Variants in SAMMSON observed in about 807,000 individuals in gnomAD.
SAMMSON encodes survival associated mitochondrial melanoma specific oncogenic non-coding RNA.
intron 6 of SAMMSON, among the ~76,000 whole-genome samples, chr3:70,259,710 A>G (rs2106660280): frequency 6.6e-6 from 1 of 152,288 alleles, no homozygotes; most frequent in Middle Eastern, 3.4e-3. Context: ...AGTGCCACAA[A>G]CTGGGTGGCA....
chr3:70,136,855 T>G (rs1425758914), intron 4 of SAMMSON, among the ~76,000 whole-genome samples: 3 of 152,216 alleles, frequency 2.0e-5, no homozygotes, highest in Non-Finnish European at 4.4e-5. Context: ...TGATCTAAGT[T>G]TTTCTCCTTA....
Position 70,025,630 on chromosome 3 carries a change from A to G in SAMMSON, n.417+11958A>G, listed in dbSNP as rs148645387. Among the ~76,000 whole-genome samples the G allele has an allele frequency of 7.2e-3, 1,094 of 152,314 alleles. 4 individuals are homozygous for G. The highest frequency in any genetic ancestry group is 0.012 in the Non-Finnish European group (812 of 68,032). On this transcript the variant is annotated intron_variant and non_coding_transcript_variant, in intron 3 of 9. Transcript: ENST00000642114. ...CAGAAAATAGCAAACAGAAAGATGAAGACCCTTGAACAACATGGGAGTTTG... is the reference window on the plus strand; with the variant it reads ...CAGAAAATAGCAAACAGAAAGATGAGGACCCTTGAACAACATGGGAGTTTG...
intron 4 of SAMMSON, among the ~76,000 whole-genome samples, chr3:70,090,589 A>G (rs1335375469): frequency 2.0e-5 from 3 of 152,126 alleles, no homozygotes; most frequent in Non-Finnish European, 2.9e-5. Flanking sequence ...TTCAACTTTC[A>G]TATTGTATCT....
chr3:70,111,873 G>C (rs1229141674), intron 4 of SAMMSON, among the ~76,000 whole-genome samples: 1 of 152,082 alleles, frequency 6.6e-6, no homozygotes, highest in Non-Finnish European at 1.5e-5. Context: ...AAGAAAGACA[G>C]ATCTAAACAA....
chr3:70,133,627 G>A (rs1383368965), intron 4 of SAMMSON, among the ~76,000 whole-genome samples: 1 of 152,082 alleles, frequency 6.6e-6, no homozygotes. Flanking sequence ...GGGTAGTCTT[G>A]TGGGAATGAG....
chr3:70,125,489 A>G, intron 4 of SAMMSON: 1 of 744,702 alleles, frequency 1.3e-6, no homozygotes, highest in Non-Finnish European at 2.3e-6. Flanking sequence ...GTCTTTTTTA[A>G]TCTCTTCTGT....
intron 4 of SAMMSON, among the ~76,000 whole-genome samples, chr3:70,115,792 G>GA (rs1216143955): frequency 1.3e-5 from 2 of 151,918 alleles, no homozygotes; most frequent in Non-Finnish European, 1.5e-5. Context: ...AACAACATTT[G>GA]AAAAAACAAA....
At chr3:70,226,367 A>C (rs1701507217) in intron 4 of SAMMSON, among the ~76,000 whole-genome samples, 1 of 152,184 alleles carries the variant, frequency 6.6e-6, no homozygotes, top group Non-Finnish European at 1.5e-5. Flanking sequence ...GTGGATGCAA[A>C]GCCCAGGAAT....
At chr3:70,421,217 G>A (rs1701310751) in intron 2 of SAMMSON, among the ~76,000 whole-genome samples, 1 of 152,070 alleles carries the variant, frequency 6.6e-6, no homozygotes, top group Admixed American at 6.5e-5. Flanking sequence ...TATGCTAGCT[G>A]ACTCTCGGCA....
At chr3:70,245,671 TTA>T (rs34480688) in intron 4 of SAMMSON, among the ~76,000 whole-genome samples, 6,593 of 56,954 alleles carry the variant, frequency 0.12, 141 homozygotes, top group Non-Finnish European at 0.12. Context: ...GCAAACTGCT[TTA>T]TATATATATA....
intron 7 of SAMMSON, among the ~76,000 whole-genome samples, chr3:70,332,462 A>G (rs1341233646): frequency 6.6e-6 from 1 of 152,116 alleles, no homozygotes; most frequent in African/African-American, 2.4e-5. Flanking sequence ...TGGATGTCCA[A>G]GTGTCATCTC....
chr3:70,235,401 T>A (rs925595234), intron 4 of SAMMSON, among the ~76,000 whole-genome samples: 2 of 152,232 alleles, frequency 1.3e-5, no homozygotes, highest in Admixed American at 1.3e-4. Context: ...TCCCTCACAA[T>A]TGGCTTCCGT....
intron 7 of SAMMSON, among the ~76,000 whole-genome samples, chr3:70,351,616 A>G (rs1702795874): frequency 6.6e-6 from 1 of 152,050 alleles, no homozygotes; most frequent in South Asian, 2.1e-4. Flanking sequence ...ATTCCCTGGG[A>G]TTTGTTTTTA....
intron 4 of SAMMSON, among the ~76,000 whole-genome samples, chr3:70,186,577 A>G (rs1186068673): frequency 6.6e-6 from 1 of 152,112 alleles, no homozygotes; most frequent in African/African-American, 2.4e-5. Context: ...ACACTCAACC[A>G]TAGGAATTTT....
intron 4 of SAMMSON, among the ~76,000 whole-genome samples, chr3:70,176,191 A>G (rs553297559): frequency 6.5e-4 from 99 of 152,266 alleles, no homozygotes; most frequent in African/African-American, 2.4e-3. Flanking sequence ...GGACCAGGCA[A>G]ATCATGGAGG....
intron 3 of SAMMSON, among the ~76,000 whole-genome samples, chr3:70,027,047 C>A (rs2067043714): frequency 6.6e-6 from 1 of 152,078 alleles, no homozygotes. Context: ...ACCATTTTAA[C>A]AAAGAAGTCT....
chr3:70,173,368 G>A (rs1700978183), intron 4 of SAMMSON, among the ~76,000 whole-genome samples: 1 of 151,890 alleles, frequency 6.6e-6, no homozygotes, highest in South Asian at 2.1e-4. Flanking sequence ...ACTATTTGCT[G>A]TGGCTTTTCA....
At chr3:70,135,222 C>A (rs2067500886) in intron 4 of SAMMSON, among the ~76,000 whole-genome samples, 1 of 152,056 alleles carries the variant, frequency 6.6e-6, no homozygotes, top group African/African-American at 2.4e-5. Flanking sequence ...GATTATATGA[C>A]TGACTAATGG....
intron 4 of SAMMSON, among the ~76,000 whole-genome samples, chr3:70,101,381 T>C (rs2067345293): frequency 6.6e-6 from 1 of 151,706 alleles, no homozygotes; most frequent in Non-Finnish European, 1.5e-5. Flanking sequence ...TGGGAAAATA[T>C]TGGGGACATT....
Sources: allele counts gnomAD v4.1 joint callset (sites outside exome capture counted in the v4.1 genomes callset), GRCh38; gene constraint gnomAD v4.1.1; transcripts MANE v1.5; gene names NCBI Gene and HGNC (gene_info 2026-07-23, HGNC 2026-07-21).